SCMH1: variants seen among roughly 807,000 people sequenced by gnomAD.
SCMH1 encodes polycomb protein SCMH1.
Under a neutral mutation model 70.8 loss-of-function variants are expected in SCMH1, and 37 were observed. The observed-to-expected ratio is 0.52, with a 90% confidence interval of 0.40 to 0.69. SCMH1 has a LOEUF of 0.69. SCMH1 is among the 30% of genes least tolerant of loss of function. The pLI is 0.00. For synonymous variants in SCMH1, 292 were observed against 307.4 expected (o/e 0.95, Z 0.52); for missense variants, 607 against 827.3 (o/e 0.73, Z 3.27).
intron 2 of SCMH1, among the ~76,000 whole-genome samples, chr1:41,177,548 C>G (rs943070325): frequency 2.0e-5 from 3 of 152,112 alleles, no homozygotes; most frequent in Non-Finnish European, 2.9e-5. Flanking sequence ...CCTTAAAGGA[C>G]CTGATGGAGC....
chr1:41,128,404 T>G (rs1673757019), intron 6 of SCMH1, among the ~76,000 whole-genome samples: 1 of 152,174 alleles, frequency 6.6e-6, no homozygotes, highest in Admixed American at 6.6e-5. Context: ...TTCATTTTTA[T>G]TTTTGAAAGA....
intron 13 of SCMH1, among the ~76,000 whole-genome samples, chr1:41,032,247 T>C (rs1644629988): frequency 6.6e-6 from 1 of 152,180 alleles, no homozygotes; most frequent in Non-Finnish European, 1.5e-5. Context: ...CTACTATATA[T>C]TTATATGCTT....
intron 1 of SCMH1, among the ~76,000 whole-genome samples, chr1:41,225,521 C>T (rs1660095275): frequency 6.6e-6 from 1 of 152,136 alleles, no homozygotes; most frequent in Admixed American, 6.5e-5. Context: ...CAAGCAAATC[C>T]ATTAACGATT....
chr1:41,214,431 C>T lies in SCMH1; in HGVS notation c.-118+27628G>A, dbSNP rs542789205. ...ATTATCTGACTCATATTTTGTCTTA[C>T]TTGAATTAGTTATTTGTATACACCT... On this transcript the variant is annotated intron_variant, in intron 1 of 14. Transcript: ENST00000337495. Among the ~76,000 whole-genome samples the T allele has an allele frequency of 3.0e-4, 46 of 152,140 alleles. 1 individual carries two copies. The highest frequency in any genetic ancestry group is 7.2e-5 in the African/African-American group (3 of 41,520).
intron 1 of SCMH1, among the ~76,000 whole-genome samples, chr1:41,231,303 A>C (rs1234723452): frequency 6.6e-6 from 1 of 152,220 alleles, no homozygotes; most frequent in Non-Finnish European, 1.5e-5. Flanking sequence ...GAGTCAACTA[A>C]ATTAGGCACA....
chr1:41,095,069 A>C (rs967844894), intron 8 of SCMH1, among the ~76,000 whole-genome samples: 2 of 151,998 alleles, frequency 1.3e-5, no homozygotes, highest in South Asian at 2.1e-4. Flanking sequence ...TCTCCAGATA[A>C]ATTATCGCTA....
At chr1:41,103,292 T>C (rs1244896808) in intron 8 of SCMH1, among the ~76,000 whole-genome samples, 3 of 152,046 alleles carry the variant, frequency 2.0e-5, no homozygotes, top group Non-Finnish European at 4.4e-5. Flanking sequence ...CCGCCACTCC[T>C]GGCTAATTTT....
chr1:41,241,685 C>G (rs1663586662), intron 1 of SCMH1, among the ~76,000 whole-genome samples: 3 of 151,974 alleles, frequency 2.0e-5, no homozygotes, highest in African/African-American at 7.2e-5. Flanking sequence ...CCGGCCCCGC[C>G]GGCCAGACAC....
At chr1:41,171,758 A>C (rs1006133947) in intron 2 of SCMH1, among the ~76,000 whole-genome samples, 6 of 152,356 alleles carry the variant, frequency 3.9e-5, no homozygotes, top group African/African-American at 1.4e-4. Flanking sequence ...AAATTGTAGA[A>C]AAAGAAACAA....
intron 8 of SCMH1, among the ~76,000 whole-genome samples, chr1:41,094,592 TA>T (rs1664564145): frequency 6.6e-6 from 1 of 151,846 alleles, no homozygotes; most frequent in Non-Finnish European, 1.5e-5. Flanking sequence ...ATAATTTTTT[TA>T]AAAAGAAAAA....
At chr1:41,059,031 T>A (rs558811326) in intron 10 of SCMH1, among the ~76,000 whole-genome samples, 1 of 152,338 alleles carries the variant, frequency 6.6e-6, no homozygotes, top group Non-Finnish European at 1.5e-5. Flanking sequence ...GTGCAGGCAG[T>A]CCTTCATGGA....
At chr1:41,237,897 C>G (rs1025275380) in intron 1 of SCMH1, among the ~76,000 whole-genome samples, 3 of 152,178 alleles carry the variant, frequency 2.0e-5, no homozygotes, top group Non-Finnish European at 4.4e-5. Context: ...TTCATTTCAG[C>G]TAGCAGAGCA....
chr1:41,211,236 A>G (rs527487691), intron 1 of SCMH1, among the ~76,000 whole-genome samples: 21 of 152,254 alleles, frequency 1.4e-4, no homozygotes, highest in Non-Finnish European at 1.9e-4. Context: ...AGCAATCTAC[A>G]GAATGGGAGA....
intron 2 of SCMH1, among the ~76,000 whole-genome samples, chr1:41,180,812 A>C (rs1432237181): frequency 6.6e-6 from 1 of 152,222 alleles, no homozygotes; most frequent in Non-Finnish European, 1.5e-5. Context: ...CCAACAAGCT[A>C]CCAATGACTT....
chr1:41,241,091 A>T (rs374136607), intron 1 of SCMH1, among the ~76,000 whole-genome samples: 3 of 152,192 alleles, frequency 2.0e-5, no homozygotes, highest in South Asian at 4.1e-4. Flanking sequence ...TTATAACCAA[A>T]TGTGTCCAGG....
At chr1:41,186,533 C>T (rs906838553) in intron 1 of SCMH1, among the ~76,000 whole-genome samples, 1 of 152,054 alleles carries the variant, frequency 6.6e-6, no homozygotes, top group Admixed American at 6.6e-5. Flanking sequence ...CCAGGTTAAG[C>T]CAGAATATCA....
At chr1:41,152,015 C>T (rs546994207) in intron 4 of SCMH1, among the ~76,000 whole-genome samples, 6 of 152,262 alleles carry the variant, frequency 3.9e-5, no homozygotes, top group South Asian at 4.1e-4. Flanking sequence ...ATAGAAGAGG[C>T]AGAAAGTGGG....
intron 1 of SCMH1, among the ~76,000 whole-genome samples, chr1:41,212,082 C>T (rs1657154932): frequency 6.6e-6 from 1 of 152,118 alleles, no homozygotes; most frequent in Non-Finnish European, 1.5e-5. Flanking sequence ...TTGATGGGTG[C>T]AGCAAACCAA....
chr1:41,058,494 CT>C (rs1456149756), intron 10 of SCMH1, among the ~76,000 whole-genome samples: 1 of 145,128 alleles, frequency 6.9e-6, no homozygotes, highest in African/African-American at 2.6e-5. Flanking sequence ...AATTCTCCTG[CT>C]TCAGCCTCCT....
Sources: allele counts gnomAD v4.1 joint callset (sites outside exome capture counted in the v4.1 genomes callset), GRCh38; gene constraint gnomAD v4.1.1; transcripts MANE v1.5; gene names NCBI Gene and HGNC (gene_info 2026-07-23, HGNC 2026-07-21).